CPNE4: variants seen among roughly 807,000 people sequenced by gnomAD.
CPNE4 encodes the protein copine-4.
A neutral mutation model predicts 67.9 loss-of-function variants in CPNE4; 25 were observed. The observed-to-expected ratio is 0.37, with a 90% CI of 0.27 to 0.51. The LOEUF (loss-of-function observed/expected upper bound fraction) is 0.51, where lower values mean the gene tolerates loss of function less well. Among genes scored for constraint, CPNE4 ranks in the 20% least tolerant of loss-of-function variants. The pLI is 0.93. For missense variants in CPNE4, 464 were observed against 690.8 expected (o/e 0.67, Z 3.68); for synonymous variants, 242 against 244.9 (o/e 0.99, Z 0.11).
chr3:131,615,038 A>G lies in CPNE4; in HGVS notation c.682-27456T>C, dbSNP rs542301480. 1.1e-4 allele frequency among the ~76,000 whole-genome samples: 17 copies of G among 152,296 alleles called. 1 individual carries two copies. The South Asian group carries it at 2.3e-3, about 20-fold the overall frequency. ...TAAATCACCTGGGGGGCTTGTTAAA[A>G]CACAGATTTCTGGACCCACCCACAA... is the stretch of plus-strand genomic sequence containing the variant. On this transcript the variant is annotated intron_variant, in intron 7 of 15. Coordinates refer to ENST00000429747, the MANE Select transcript of CPNE4 (RefSeq NM_130808.3).
At chr3:132,033,025 A>G (rs932169560) in intron 1 of CPNE4, among the ~76,000 whole-genome samples, 32 of 152,376 alleles carry the variant, frequency 2.1e-4, no homozygotes, top group Non-Finnish European at 4.1e-4. Flanking sequence ...TATAAAGCAG[A>G]AAATAAAACA....
chr3:131,746,719 A>G (rs2082498320), intron 2 of CPNE4, among the ~76,000 whole-genome samples: 1 of 152,118 alleles, frequency 6.6e-6, no homozygotes, highest in Non-Finnish European at 1.5e-5. Context: ...TGTGAATAGT[A>G]TGGCAATAGA....
At chr3:131,763,110 T>G (rs1209734685) in intron 2 of CPNE4, among the ~76,000 whole-genome samples, 1 of 152,096 alleles carries the variant, frequency 6.6e-6, no homozygotes, top group African/African-American at 2.4e-5. Flanking sequence ...CCCCAAGAAG[T>G]TCTGAGTTGA....
upstream of CPNE4, among the ~76,000 whole-genome samples, chr3:132,039,158 A>C (rs2074377011): frequency 6.6e-6 from 1 of 152,232 alleles, no homozygotes; most frequent in Non-Finnish European, 1.5e-5. Context: ...GTTATATAGC[A>C]CTGATCTAGC....
intron 6 of CPNE4, among the ~76,000 whole-genome samples, chr3:131,680,959 T>C (rs2080736588): frequency 6.6e-6 from 1 of 152,226 alleles, no homozygotes; most frequent in East Asian, 1.9e-4. Flanking sequence ...AGAATAATAA[T>C]CTCCAGTTCC....
At position 131,747,467 on chromosome 3, in the gene CPNE4, TTTTG is replaced by T. The variant is rs529090815; in HGVS notation, c.181-23846_181-23843del. Among the ~76,000 whole-genome samples the T allele has an allele frequency of 7.8e-3, 1,186 of 152,214 alleles. 6 individuals are homozygous for T. Among genetic ancestry groups the T allele is most frequent in the Admixed American group, 0.013 (193 of 15,284 alleles). ...GATTTTTGTATATGATAAGAACTTT[TTTTG>T]TTTGTTTTTTGTTTTTTAGCAACTG... On this transcript the variant is annotated intron_variant, in intron 2 of 15. Transcript: ENST00000429747.
At chr3:131,540,417 C>CTTAT (rs1338573822) in intron 15 of CPNE4, among the ~76,000 whole-genome samples, 1 of 152,170 alleles carries the variant, frequency 6.6e-6, no homozygotes, top group Non-Finnish European at 1.5e-5. Flanking sequence ...TATCTGAATT[C>CTTAT]TTATTTTAAA....
At chr3:131,974,762 C>T (rs943886760) in intron 1 of CPNE4, among the ~76,000 whole-genome samples, 1 of 152,156 alleles carries the variant, frequency 6.6e-6, no homozygotes, top group Non-Finnish European at 1.5e-5. Context: ...AATCCTAGCA[C>T]TTTGGGAGGC....
intron 2 of CPNE4, among the ~76,000 whole-genome samples, chr3:131,734,070 C>T (rs2082184115): frequency 1.3e-5 from 2 of 152,182 alleles, no homozygotes; most frequent in Non-Finnish European, 2.9e-5. Flanking sequence ...CTCTCCTTCA[C>T]CAAGTCCTTT....
chr3:131,636,067 C>T (rs1237013205), intron 7 of CPNE4, among the ~76,000 whole-genome samples: 1 of 82,312 alleles, frequency 1.2e-5, no homozygotes. Flanking sequence ...GGCGACAGAG[C>T]GAGACTCCGT....
In CPNE4 at chr3:131,715,323, C is replaced by T. The variant is rs972945229; in HGVS notation, c.360+8123G>A. On this transcript the variant is annotated intron_variant, in intron 3 of 15. Transcript: ENST00000429747. ...AGGATTCCTAGTCTGCCTCTATCAGCTCTGTGTAAGACAAATAAACTTAAG... is the reference window on the plus strand; with the variant it reads ...AGGATTCCTAGTCTGCCTCTATCAGTTCTGTGTAAGACAAATAAACTTAAG... Among the ~76,000 whole-genome samples the T allele has an allele frequency of 2.6e-5, 4 of 152,196 alleles. No individual in the cohort carries two copies. The East Asian group carries it at 7.7e-4, about 29-fold the overall frequency.
intron 5 of CPNE4, among the ~76,000 whole-genome samples, chr3:131,691,560 G>A (rs2081033782): frequency 6.6e-6 from 1 of 152,070 alleles, no homozygotes; most frequent in Non-Finnish European, 1.5e-5. Flanking sequence ...AGAGAGGGAG[G>A]GGAGCAAGGG....
intron 7 of CPNE4, among the ~76,000 whole-genome samples, chr3:131,599,424 T>G (rs1016823143): frequency 6.6e-6 from 1 of 152,068 alleles, no homozygotes; most frequent in Non-Finnish European, 1.5e-5. Flanking sequence ...AGGATGGGAG[T>G]TAAAAGAAAA....
intron 2 of CPNE4, among the ~76,000 whole-genome samples, chr3:131,903,309 C>T (rs1027342390): frequency 2.6e-5 from 4 of 152,036 alleles, no homozygotes; most frequent in Non-Finnish European, 5.9e-5. Flanking sequence ...ATAAGAACTG[C>T]TTCCTCTGCT....
chr3:131,906,880 G>C (rs1273306414), intron 1 of CPNE4, among the ~76,000 whole-genome samples: 3 of 151,738 alleles, frequency 2.0e-5, no homozygotes. Context: ...CAGTGTAAAA[G>C]TGTTCCTATT....
chr3:131,703,944 T>G (rs1271690749), intron 3 of CPNE4, among the ~76,000 whole-genome samples: 1 of 152,214 alleles, frequency 6.6e-6, no homozygotes, highest in African/African-American at 2.4e-5. Flanking sequence ...GAAAAAGTGT[T>G]GGTGTAAATG....
At chr3:131,580,856 A>C (rs1215970593) in intron 9 of CPNE4, among the ~76,000 whole-genome samples, 1 of 152,160 alleles carries the variant, frequency 6.6e-6, no homozygotes, top group Non-Finnish European at 1.5e-5. Context: ...GTACGCTTTC[A>C]GTATGAATAA....
At chr3:131,708,980 A>ATATATATATATATG (rs2081489739) in intron 3 of CPNE4, among the ~76,000 whole-genome samples, 1 of 97,404 alleles carries the variant, frequency 1.0e-5, no homozygotes, top group Non-Finnish European at 2.1e-5. Context: ...ATATATATAT[A>ATATATATATATATG]TATATATATA....
chr3:131,672,451 T>C (rs888706428), intron 6 of CPNE4, among the ~76,000 whole-genome samples: 4 of 152,148 alleles, frequency 2.6e-5, no homozygotes, highest in South Asian at 2.1e-4. Context: ...CCACCAACAG[T>C]ATATGACAGT....
Sources: gnomAD v4.1 joint callset for allele counts (sites outside exome capture counted in the v4.1 genomes callset) on GRCh38, gnomAD v4.1.1 for gene constraint, MANE v1.5 for transcripts, NCBI Gene and HGNC (gene_info 2026-07-23, HGNC 2026-07-21) for gene names.